The following FOXP4 variants were observed in gnomAD, a reference collection of about 807,000 sequenced individuals.
FOXP4 encodes forkhead box protein P4.
Under a neutral mutation model 82.6 loss-of-function variants are expected in FOXP4, and 25 were observed. The observed-to-expected ratio is 0.30, with a 90% CI of 0.22 to 0.42. The LOEUF is 0.42. FOXP4 is among the 10% of genes least tolerant of loss of function. FOXP4 has a pLI of 1.00. For missense variants in FOXP4, 785 were observed against 900.9 expected, an observed-to-expected ratio of 0.87 and a Z score of 1.65; for synonymous variants, 415 against 388.2, an observed-to-expected ratio of 1.07 and a Z score of -0.81.
At position 41,565,817 on chromosome 6, in the gene FOXP4, C is replaced by T. The variant is rs41273782; in HGVS notation, c.57C>T (p.Gly19=). Reference sequence around the variant, plus strand: ...GGTCGGCTCCATCTGGTCAGAATGGCGTGGGCAGCCTCTCTGGGCAAGCCG... The same window carrying T: ...GGTCGGCTCCATCTGGTCAGAATGGTGTGGGCAGCCTCTCTGGGCAAGCCG... ...TIRSAPSGQN[G]VGSLSGQADG... Residue 19 remains glycine (G), a synonymous_variant, in exon 2 of 17, where the codon GGC becomes GGT. Coordinates refer to ENST00000307972, the MANE Select transcript of FOXP4 (RefSeq NM_001012426.2). The T allele has an allele frequency of 2.7e-5, 43 of 1,613,694 alleles. No individual in the cohort carries two copies. Among genetic ancestry groups the T allele is most frequent in the Admixed American group, 8.3e-5 (5 of 60,012 alleles).
chr6:41,589,917 C>T, intron 10 of FOXP4, 46 bp from the exon 11 acceptor site: 10 of 1,610,788 alleles, frequency 6.2e-6, no homozygotes, highest in Non-Finnish European at 8.5e-6. Flanking sequence ...GCCTCGGGAC[C>T]CCCACCCTCG....
chr6:41,586,785 T>C (rs1339175554), intron 5 of FOXP4, among the ~76,000 whole-genome samples: 1 of 151,938 alleles, frequency 6.6e-6, no homozygotes, highest in Non-Finnish European at 1.5e-5. Context: ...GCTGTGTGTG[T>C]TTGCGCGCGT....
intron 8 of FOXP4, among the ~76,000 whole-genome samples, chr6:41,588,128 G>T (rs1428549831): frequency 6.6e-6 from 1 of 152,150 alleles, no homozygotes; most frequent in Admixed American, 6.5e-5. Flanking sequence ...CCCAGCGCAG[G>T]GTGCGGGTAG....
intron 3 of FOXP4, among the ~76,000 whole-genome samples, chr6:41,581,073 G>C (rs1280998763): frequency 2.6e-5 from 4 of 152,232 alleles, no homozygotes; most frequent in Admixed American, 6.5e-5. Context: ...TGGGGCCTTG[G>C]CTTCGTCCAT....
At chr6:41,590,529 C>T (rs1381737193) in intron 12 of FOXP4, among the ~76,000 whole-genome samples, 182 bp downstream of exon 12, 2 of 152,170 alleles carry the variant, frequency 1.3e-5, no homozygotes, top group East Asian at 1.9e-4. Flanking sequence ...CCCTGTCAGC[C>T]TGCTGCATAG....
At chr6:41,578,261 C>T (rs1342514158) in intron 3 of FOXP4, among the ~76,000 whole-genome samples, 180 bp downstream of exon 3, 1 of 152,174 alleles carries the variant, frequency 6.6e-6, no homozygotes, top group Non-Finnish European at 1.5e-5. Flanking sequence ...CACTTTCTCT[C>T]GTCTCCACCT....
chr6:41,591,510 T>G lies in FOXP4; in HGVS notation c.1536+188T>G, dbSNP rs570364407. 2.6e-5 allele frequency among the ~76,000 whole-genome samples: 4 copies of G among 152,218 alleles called. No individual in the cohort carries two copies. The highest frequency in any genetic ancestry group is 5.9e-5 in the Non-Finnish European group (4 of 68,050). On this transcript the variant is annotated intron_variant, in intron 13 of 16. Transcript: ENST00000307972. The surrounding 1 kb of genome is among the most constrained non-coding windows in gnomAD (Gnocchi z 4.2). ...AGGGGCTGTGGATTGTTCCATAACC[T>G]TTTAATGATCCCTTCCTTCCAGCCT...
chr6:41,572,358 G>T (rs537159358), intron 2 of FOXP4, among the ~76,000 whole-genome samples: 20 of 152,276 alleles, frequency 1.3e-4, no homozygotes, highest in African/African-American at 4.6e-4. Context: ...CTCAGAGTTT[G>T]CATGTCTCTT....
intron 1 of FOXP4, among the ~76,000 whole-genome samples, chr6:41,553,892 T>C (rs1022934169): frequency 6.6e-6 from 1 of 152,216 alleles, no homozygotes; most frequent in Non-Finnish European, 1.5e-5. Context: ...GTCAGATATC[T>C]GCAGGAACAA....
At position 41,587,235 on chromosome 6, in the gene FOXP4, T is replaced by C. The variant is rs150930178; in HGVS notation, c.659-64T>C. ...ACGCAACAGCTGGCAGCCCCTGTTC[T>C]TGGGGCCAGGTAGAAAGCCGAGTGT... On this transcript the variant is annotated intron_variant, in intron 6 of 16. Transcript: ENST00000307972. The C allele has an allele frequency of 6.0e-4, 967 of 1,608,356 alleles. 18 individuals carry two copies. The East Asian group carries it at 0.018, about 31-fold the overall frequency.
chr6:41,586,913 A>G (rs1284381308), intron 5 of FOXP4, 96 bp from the exon 6 acceptor site: 3 of 1,456,048 alleles, frequency 2.1e-6, no homozygotes, highest in Non-Finnish European at 2.7e-6. Context: ...AGGGGCTGAC[A>G]GGCCCTGGGA....
intron 8 of FOXP4, among the ~76,000 whole-genome samples, chr6:41,588,319 C>T (rs1041195664): frequency 1.3e-5 from 2 of 152,228 alleles, no homozygotes; most frequent in Non-Finnish European, 2.9e-5. Flanking sequence ...GGCTCTGTCA[C>T]TGACTGATTA....
At chr6:41,584,429 A>T (rs1354582194) in intron 3 of FOXP4, among the ~76,000 whole-genome samples, 1 of 152,210 alleles carries the variant, frequency 6.6e-6, no homozygotes, top group African/African-American at 2.4e-5. Flanking sequence ...ACTACAGCCT[A>T]ATCTTCCTGC....
At chr6:41,550,877 TC>T (rs1343068252) in intron 1 of FOXP4, among the ~76,000 whole-genome samples, 1 of 152,194 alleles carries the variant, frequency 6.6e-6, no homozygotes, top group African/African-American at 2.4e-5. Context: ...AAGGGAGATT[TC>T]TAGGGTTTGG....
chr6:41,563,797 G>A (rs1485786190), intron 1 of FOXP4, among the ~76,000 whole-genome samples: 3 of 152,214 alleles, frequency 2.0e-5, no homozygotes, highest in South Asian at 2.1e-4. Context: ...TTCCACATCC[G>A]TGGATTCAAT....
chr6:41,560,795 G>A (rs1217290235), intron 1 of FOXP4, among the ~76,000 whole-genome samples: 2 of 152,250 alleles, frequency 1.3e-5, no homozygotes, highest in Non-Finnish European at 2.9e-5. Flanking sequence ...AAATGTTACG[G>A]CTCAGATTAA....
rs1328911934 is a variant in FOXP4, at chr6:41,577,969, C to G, written c.205-17C>G. On this transcript the variant is annotated splice_polypyrimidine_tract_variant and intron_variant, in intron 2 of 16. Coordinates refer to ENST00000307972, the MANE Select transcript of FOXP4 (RefSeq NM_001012426.2). ...CCAGCCTCCCAGGCCATTGCTGACT[C>G]AGCCCCTGTCTTGCAGGCTCTCCAA... 2.5e-6 allele frequency: 4 copies of G among 1,605,736 alleles called. No individual in the cohort carries two copies. Among genetic ancestry groups the G allele is most frequent in the Non-Finnish European group, 2.6e-6 (3 of 1,176,290 alleles).
At chr6:41,548,352 G>A (rs1301629000) in intron 1 of FOXP4, 1 of 152,248 alleles carries the variant, frequency 6.6e-6, no homozygotes, top group Non-Finnish European at 1.5e-5. Flanking sequence ...AAGCCCGGGA[G>A]CATTTTGGCC....
chr6:41,578,052 G>A lies in FOXP4; in HGVS notation c.271G>A (p.Asp91Asn). ...AGGCCTGAGCTCCCCAGGGAACAATGACAGCAAACAGTCTGCCTCTGCTGT... is the reference window on the plus strand; with the variant it reads ...AGGCCTGAGCTCCCCAGGGAACAATAACAGCAAACAGTCTGCCTCTGCTGT... ...ASGLSSPGNN[D>N]SKQSASAVQV... Residue 91 changes from aspartate to asparagine, a missense_variant, in exon 3 of 17, where the codon GAC (aspartate) becomes AAC (asparagine). By Grantham distance (23) the Asp-to-Asn change is conservative. Transcript: ENST00000307972. The A allele has an allele frequency of 6.2e-7, 1 of 1,613,618 alleles. No homozygotes were observed. The highest frequency in any genetic ancestry group is 1.3e-5 in the African/African-American group (1 of 75,050).
Sources: allele counts gnomAD v4.1 joint callset (sites outside exome capture counted in the v4.1 genomes callset), GRCh38; gene constraint gnomAD v4.1.1; non-coding constraint Gnocchi (gnomAD v3.1); transcripts MANE v1.5; gene names NCBI Gene and HGNC (gene_info 2026-07-23, HGNC 2026-07-21).